Variants in DAO observed in about 807,000 individuals in gnomAD.
DAO encodes D-amino acid oxidase.
Under a neutral mutation model 50.1 loss-of-function variants are expected in DAO, and 51 were observed. That is an observed-to-expected ratio of 1.02 (90% confidence interval 0.81 to 1.29). The LOEUF is 1.29. DAO is among the 50% of genes most tolerant of loss of function. DAO has a pLI of 0.00. For missense variants in DAO, 436 were observed against 439.4 expected, an observed-to-expected ratio of 0.99 and a Z score of 0.07; for synonymous variants, 160 against 166.2, an observed-to-expected ratio of 0.96 and a Z score of 0.29.
chr12:108,896,773 G>C (rs1366683756), intron 7 of DAO, among the ~76,000 whole-genome samples: 1 of 152,162 alleles, frequency 6.6e-6, no homozygotes, highest in Non-Finnish European at 1.5e-5. Flanking sequence ...CTTTTCTTCG[G>C]ACATGTGGGT....
intron 4 of DAO, 24 bp downstream of exon 4, chr12:108,889,569 G>A: frequency 6.3e-7 from 1 of 1,586,402 alleles, no homozygotes; most frequent in Non-Finnish European, 8.6e-7. Flanking sequence ...CACAGGCAAA[G>A]GGGACTGGGG....
At chr12:108,898,640 C>A in intron 8 of DAO, 39 bp from the exon 9 acceptor site, 1 of 1,376,176 alleles carries the variant, frequency 7.3e-7, no homozygotes, top group Non-Finnish European at 1.0e-6. Flanking sequence ...TCAGAGCCTT[C>A]ATTTTCCTTC....
intron 1 of DAO, chr12:108,883,658 G>T (rs1311441674): frequency 4.4e-6 from 2 of 456,470 alleles, no homozygotes; most frequent in Admixed American, 4.7e-5. Flanking sequence ...TGTCTCCAGA[G>T]GCAAAGTATG....
At chr12:108,894,890 A>AT (rs2137359051) in intron 7 of DAO, among the ~76,000 whole-genome samples, 1 of 151,962 alleles carries the variant, frequency 6.6e-6, no homozygotes, top group Non-Finnish European at 1.5e-5. Context: ...CAATTTTTTT[A>AT]TTTTTTGTAG....
At position 108,898,994 on chromosome 12, in the gene DAO, G is replaced by A. The variant is rs149288448; in HGVS notation, c.813+198G>A. Among the ~76,000 whole-genome samples the A allele has an allele frequency of 6.6e-3, 1,002 of 152,342 alleles. 4 individuals are homozygous for A. The highest frequency in any genetic ancestry group is 0.01 in the Non-Finnish European group (689 of 68,028). On this transcript the variant is annotated intron_variant, in intron 9 of 10. Coordinates refer to ENST00000228476, the MANE Select transcript of DAO (RefSeq NM_001917.5). The stretch of plus-strand genomic sequence containing the variant: ...TAATGAATCCTGTCTGGCCATGGCT[G>A]AGAGCCCTTGGTTTTCACATTTGTC...
chr12:108,890,326 A>G (rs1471799701), intron 5 of DAO, 53 bp downstream of exon 5: 10 of 1,420,026 alleles, frequency 7.0e-6, no homozygotes, highest in Non-Finnish European at 8.0e-6. Context: ...ACCAAGTTGT[A>G]GTGGAAGATG....
Position 108,900,243 on chromosome 12 carries a change from G to T in DAO, c.913-161G>T. On this transcript the variant is annotated intron_variant, in intron 10 of 10. Transcript: ENST00000228476. ...TCATCTCTTGCAACTGTTCCAGGGG[G>T]TCCCCACCATTCCACCCCGGTGCCA... 2.5e-6 allele frequency: 2 copies of T among 805,840 alleles called. 1 individual carries two copies. The highest frequency in any genetic ancestry group is 5.2e-5 in the East Asian group (2 of 38,496). 49.9% of individuals were successfully genotyped at this position (805,840 alleles called of 1,614,324 possible).
At chr12:108,883,699 C>G (rs1253831034) in intron 1 of DAO, 1 of 433,910 alleles carries the variant, frequency 2.3e-6, no homozygotes, top group East Asian at 7.0e-5. Context: ...GACCAAGGGT[C>G]CCTGAGAGGG....
intron 2 of DAO, among the ~76,000 whole-genome samples, chr12:108,886,872 C>T (rs1372181566): frequency 1.3e-5 from 2 of 152,212 alleles, no homozygotes; most frequent in African/African-American, 4.8e-5. Context: ...TTTCCACGTG[C>T]TTTTGAGGTC....
chr12:108,880,773 G>A (rs1225631540), intron 1 of DAO, among the ~76,000 whole-genome samples: 1 of 151,742 alleles, frequency 6.6e-6, no homozygotes. Flanking sequence ...AGCAATCAAA[G>A]GCATCAGCTG....
At chr12:108,883,671 G>A (rs1209095817) in intron 1 of DAO, 1 of 456,532 alleles carries the variant, frequency 2.2e-6, no homozygotes, top group Non-Finnish European at 4.4e-6. Context: ...AAAGTATGGG[G>A]GAAGAGGGAA....
chr12:108,886,485 T>A lies in DAO; in HGVS notation c.195-965T>A, dbSNP rs573946343. On this transcript the variant is annotated intron_variant, in intron 2 of 10. Transcript: ENST00000228476. ...GCAGCTCAAACAGATTAAAAAAAAA[T>A]TTTTAAGAGGCATCCTGTCACCCAG... Among the ~76,000 whole-genome samples the A allele has an allele frequency of 3.9e-4, 59 of 151,712 alleles. No homozygotes were observed. The East Asian group carries it at 6.6e-3, about 17-fold the overall frequency.
intron 8 of DAO, among the ~76,000 whole-genome samples, chr12:108,898,237 T>C (rs1048703951): frequency 5.9e-5 from 9 of 151,836 alleles, no homozygotes; most frequent in Admixed American, 5.9e-4. Flanking sequence ...TTGATGAAGG[T>C]GTGATTGGGA....
At position 108,900,809 on chromosome 12, in the gene DAO, C is replaced by A; in HGVS notation, c.*274C>A. The A allele has an allele frequency of 2.5e-6, 1 of 393,748 alleles. No individual in the cohort carries two copies. Among genetic ancestry groups the A allele is most frequent in the Non-Finnish European group, 4.8e-6 (1 of 207,880 alleles). 24.4% of individuals were successfully genotyped at this position (393,748 alleles called of 1,614,324 possible). ...TGAGTCTTCAGAAGAAAGGACAGCT[C>A]AGAAAATCAAAGAGGCCAACTGCCC... On this transcript the variant is annotated 3_prime_UTR_variant, in exon 11 of 11. Transcript: ENST00000228476.
chr12:108,882,736 G>A (rs756178654), intron 1 of DAO, among the ~76,000 whole-genome samples: 2 of 152,116 alleles, frequency 1.3e-5, no homozygotes, highest in Non-Finnish European at 2.9e-5. Flanking sequence ...GTCAGGCTGC[G>A]AACCTGGGTC....
At position 108,900,702 on chromosome 12, in the gene DAO, A is replaced by G. The variant is rs988713549; in HGVS notation, c.*167A>G. 3.4e-5 allele frequency: 34 copies of G among 994,630 alleles called. No individual in the cohort carries two copies. In the East Asian group the frequency reaches 9.6e-4, roughly 28 times the overall value. 61.6% of individuals were successfully genotyped at this position (994,630 alleles called of 1,614,324 possible). A position where few individuals can be genotyped will look rare whatever the true frequency, so the allele number is the denominator to read the frequency against. ...AGTGCCTGGAGAAGGGTTCAGCCCA[A>G]CATGGGGCCCCTCTCATCACTGAAA... On this transcript the variant is annotated 3_prime_UTR_variant, in exon 11 of 11. Coordinates refer to ENST00000228476, the MANE Select transcript of DAO (RefSeq NM_001917.5).
intron 5 of DAO, among the ~76,000 whole-genome samples, chr12:108,892,383 G>T (rs1056237959): frequency 6.6e-6 from 1 of 151,502 alleles, no homozygotes; most frequent in Non-Finnish European, 1.5e-5. Flanking sequence ...AGCCAGGATG[G>T]TCTCAATCTC....
Position 108,890,245 on chromosome 12 carries a change from A to G in DAO, c.424A>G (p.Lys142Glu), listed in dbSNP as rs1593161520. The G allele has an allele frequency of 6.2e-7, 1 of 1,613,878 alleles. No homozygotes were observed. Among genetic ancestry groups the G allele is most frequent in the Non-Finnish European group, 8.5e-7 (1 of 1,179,752 alleles). ...CCACACAAGCCTAATTCTGGAGGGA[A>G]AGAACTATCTACAGTGGCTGACTGA... ...WFHTSLILEG[K>E]NYLQWLTERL... is the part of the protein sequence containing the mutation. Residue 142 changes from lysine (K) to glutamate (E), a missense_variant, in exon 5 of 11, where the codon AAG becomes GAG. Transcript: ENST00000228476.
chr12:108,881,658 G>A (rs1419065468), intron 1 of DAO, among the ~76,000 whole-genome samples: 1 of 142,366 alleles, frequency 7.0e-6, no homozygotes, highest in African/African-American at 2.6e-5. Flanking sequence ...GGGCTGGAGT[G>A]CAATGGCATG....
Sources: allele counts gnomAD v4.1 joint callset (sites outside exome capture counted in the v4.1 genomes callset), GRCh38; gene constraint gnomAD v4.1.1; transcripts MANE v1.5; gene names NCBI Gene and HGNC (gene_info 2026-07-23, HGNC 2026-07-21).